The following SGCZ variants were observed in gnomAD, a reference collection of about 807,000 sequenced individuals.
The protein encoded by SGCZ is zeta-sarcoglycan.
SGCZ carries 40 observed loss-of-function variants against 41.3 expected under a neutral mutation model. That is an observed-to-expected ratio of 0.97 (90% CI 0.75 to 1.26). The LOEUF is 1.26. SGCZ is among the 50% of genes most tolerant of loss of function. SGCZ has a pLI of 0.00. For synonymous variants in SGCZ, 206 were observed against 137.5 expected (o/e 1.50, Z -3.49); for missense variants, 552 against 369.8 (o/e 1.49, Z -4.04).
chr8:14,825,395 TACTG>T (rs1193079785), intron 1 of SGCZ, among the ~76,000 whole-genome samples: 1 of 152,194 alleles, frequency 6.6e-6, no homozygotes, highest in Non-Finnish European at 1.5e-5. Context: ...ATACGGAACT[TACTG>T]AAGAACTCAA....
At chr8:14,921,833 G>A (rs1046092454) in intron 1 of SGCZ, among the ~76,000 whole-genome samples, 5 of 152,064 alleles carry the variant, frequency 3.3e-5, no homozygotes, top group Admixed American at 6.6e-5. Flanking sequence ...CTTTAGAAAA[G>A]TAAGGGATGG....
At chr8:14,639,694 C>T (rs1032394983) in intron 1 of SGCZ, among the ~76,000 whole-genome samples, 3 of 151,606 alleles carry the variant, frequency 2.0e-5, no homozygotes, top group Non-Finnish European at 3.0e-5. Context: ...GAATACTAGT[C>T]TTTAAACATA....
At chr8:14,986,407 C>T (rs1801826765) in intron 1 of SGCZ, among the ~76,000 whole-genome samples, 1 of 152,028 alleles carries the variant, frequency 6.6e-6, no homozygotes, top group South Asian at 2.1e-4. Context: ...GACTGATACG[C>T]ACAGCATTTT....
At chr8:14,259,594 C>G (rs965969848) in intron 3 of SGCZ, among the ~76,000 whole-genome samples, 1 of 130,472 alleles carries the variant, frequency 7.7e-6, no homozygotes, top group African/African-American at 2.6e-5. Flanking sequence ...TTGTTTTTGT[C>G]AGGTTTGTCA....
rs78871968 is a variant in SGCZ, at chr8:14,898,676, G to A, written c.39+338909C>T. 2.0e-3 allele frequency among the ~76,000 whole-genome samples: 300 copies of A among 152,258 alleles called. 1 individual carries two copies. The highest frequency in any genetic ancestry group is 6.9e-3 in the African/African-American group (286 of 41,556). On this transcript the variant is annotated intron_variant, in intron 1 of 7. Coordinates refer to ENST00000382080, the MANE Select transcript of SGCZ (RefSeq NM_139167.4). The stretch of plus-strand genomic sequence containing the variant: ...TTTGATAATGGATTATATCTGAGAT[G>A]AGAAGAGTCAAGTTTAAGAATAATT...
intron 1 of SGCZ, among the ~76,000 whole-genome samples, chr8:14,997,228 A>T (rs1470292592): frequency 3.3e-5 from 5 of 152,200 alleles, no homozygotes; most frequent in Non-Finnish European, 1.5e-5. Context: ...ATAGTATTCG[A>T]TTCTAGGTTC....
intron 1 of SGCZ, among the ~76,000 whole-genome samples, chr8:14,555,695 G>C (rs1012575510): frequency 6.6e-5 from 10 of 152,030 alleles, no homozygotes; most frequent in Non-Finnish European, 1.2e-4. Context: ...GCAGTAGAGA[G>C]AGACTGAGTC....
intron 1 of SGCZ, among the ~76,000 whole-genome samples, chr8:14,778,910 G>A (rs900225226): frequency 5.3e-5 from 8 of 152,092 alleles, no homozygotes; most frequent in African/African-American, 1.7e-4. Flanking sequence ...AAACACATTA[G>A]GAATATCTTA....
At chr8:14,938,707 G>C (rs1323364807) in intron 1 of SGCZ, among the ~76,000 whole-genome samples, 2 of 152,106 alleles carry the variant, frequency 1.3e-5, no homozygotes, top group African/African-American at 2.4e-5. Flanking sequence ...GCAGCAACTT[G>C]GATGGAGCTG....
chr8:14,591,640 A>T (rs1805244088), intron 1 of SGCZ, among the ~76,000 whole-genome samples: 1 of 152,150 alleles, frequency 6.6e-6, no homozygotes, highest in Admixed American at 6.6e-5. Flanking sequence ...TAACATTTTT[A>T]TAAATCACTT....
chr8:14,281,283 A>G (rs1178466398), intron 3 of SGCZ, among the ~76,000 whole-genome samples: 3 of 151,980 alleles, frequency 2.0e-5, no homozygotes, highest in African/African-American at 7.2e-5. Flanking sequence ...TAATATTAGT[A>G]TTTGTTTCAT....
chr8:15,176,829 A>G (rs181974275), intron 1 of SGCZ, among the ~76,000 whole-genome samples: 24 of 152,248 alleles, frequency 1.6e-4, no homozygotes, highest in Non-Finnish European at 2.1e-4. Flanking sequence ...GTGAAACCCC[A>G]TCTCTACTAA....
chr8:14,443,779 A>G (rs1339898040), intron 2 of SGCZ, among the ~76,000 whole-genome samples: 2 of 152,064 alleles, frequency 1.3e-5, no homozygotes, highest in Non-Finnish European at 2.9e-5. Context: ...AAACACCAAA[A>G]GCCATGGCAA....
chr8:15,115,463 A>C (rs1371320034), intron 1 of SGCZ, among the ~76,000 whole-genome samples: 1 of 152,250 alleles, frequency 6.6e-6, no homozygotes, highest in Non-Finnish European at 1.5e-5. Context: ...CTGAGAGTCC[A>C]GAAACTCAAG....
At chr8:15,176,491 C>T (rs141192305) in intron 1 of SGCZ, among the ~76,000 whole-genome samples, 1 of 152,140 alleles carries the variant, frequency 6.6e-6, no homozygotes, top group African/African-American at 2.4e-5. Flanking sequence ...ATATACCAAG[C>T]GGTTTTCCAA....
intron 1 of SGCZ, among the ~76,000 whole-genome samples, chr8:15,186,262 C>CAAAAAAAAAAAA (rs61237091): frequency 3.8e-4 from 31 of 80,712 alleles, no homozygotes; most frequent in East Asian, 1.5e-3. Context: ...GATTCCGTAC[C>CAAAAAAAAAAAA]AAAAAAAAAA....
At chr8:14,763,358 C>T (rs28367223) in intron 1 of SGCZ, among the ~76,000 whole-genome samples, 2 of 151,884 alleles carry the variant, frequency 1.3e-5, no homozygotes, top group East Asian at 3.9e-4. Flanking sequence ...CTGAAACAAG[C>T]CACAGAGTCC....
chr8:14,359,801 C>T (rs1197465279), intron 2 of SGCZ, among the ~76,000 whole-genome samples: 1 of 142,214 alleles, frequency 7.0e-6, no homozygotes, highest in Non-Finnish European at 1.5e-5. Flanking sequence ...CTAGTATTGC[C>T]TAATACAAAA....
At chr8:14,665,721 C>T (rs1807889487) in intron 1 of SGCZ, among the ~76,000 whole-genome samples, 1 of 151,992 alleles carries the variant, frequency 6.6e-6, no homozygotes, top group Non-Finnish European at 1.5e-5. Context: ...ATACAACCAA[C>T]CAAGAAAAAA....
Sources: allele counts gnomAD v4.1 joint callset (sites outside exome capture counted in the v4.1 genomes callset), GRCh38; gene constraint gnomAD v4.1.1; transcripts MANE v1.5; gene names NCBI Gene and HGNC (gene_info 2026-07-23, HGNC 2026-07-21).